Variants in STIM1 observed in about 807,000 individuals in gnomAD.
The protein encoded by STIM1 is stromal interaction molecule 1.
STIM1 carries 25 observed loss-of-function variants against 74.7 expected under a neutral mutation model. The observed-to-expected ratio is 0.33, with a 90% CI of 0.24 to 0.47. The LOEUF is 0.47. STIM1 is among the 20% of genes least tolerant of loss of function. The pLI is 1.00. For missense variants in STIM1, 728 were observed against 920.8 expected (o/e 0.79, Z 2.71); for synonymous variants, 328 against 348.8 (o/e 0.94, Z 0.66).
chr11:3,941,673 T>TATATAGAGAG (rs141623520), intron 1 of STIM1, among the ~76,000 whole-genome samples: 4,680 of 90,338 alleles, frequency 0.052, 127 homozygotes, highest in Non-Finnish European at 0.076. Context: ...TATATATATA[T>TATATAGAGAG]AGAGAGAGAG....
At chr11:4,004,819 A>G (rs1236407785) in intron 2 of STIM1, among the ~76,000 whole-genome samples, 1 of 152,228 alleles carries the variant, frequency 6.6e-6, no homozygotes. Context: ...ATGGGAGAAA[A>G]TTTTCGCAAC....
intron 3 of STIM1, among the ~76,000 whole-genome samples, chr11:4,053,781 A>G (rs1017916988): frequency 1.3e-5 from 2 of 152,148 alleles, no homozygotes; most frequent in South Asian, 2.1e-4. Flanking sequence ...TAGAAAAAAA[A>G]AAATTTTAAT....
chr11:3,928,986 T>C (rs1003066567), intron 1 of STIM1, among the ~76,000 whole-genome samples: 2 of 152,134 alleles, frequency 1.3e-5, no homozygotes, highest in Admixed American at 6.5e-5. Flanking sequence ...TTCTCCTGCC[T>C]CAGCCTCCCA....
intron 1 of STIM1, among the ~76,000 whole-genome samples, chr11:3,941,793 C>T (rs552747057): frequency 5.3e-5 from 8 of 151,546 alleles, no homozygotes; most frequent in African/African-American, 1.9e-4. Context: ...CTAAAGCAAT[C>T]CTCCCACCTC....
At chr11:4,066,212 A>T (rs1247529545) in intron 5 of STIM1, among the ~76,000 whole-genome samples, 2 of 152,102 alleles carry the variant, frequency 1.3e-5, no homozygotes, top group Non-Finnish European at 2.9e-5. Context: ...AGCCAGCCAC[A>T]TCTGTTCTCC....
intron 5 of STIM1, 115 bp downstream of exon 5, chr11:4,059,511 A>C (rs1263572633): frequency 2.5e-6 from 2 of 786,948 alleles, no homozygotes; most frequent in Middle Eastern, 2.3e-4. Flanking sequence ...GATAGCACCT[A>C]TACTATTTCC....
At chr11:3,990,347 T>C (rs1465762499) in intron 2 of STIM1, among the ~76,000 whole-genome samples, 4 of 152,242 alleles carry the variant, frequency 2.6e-5, no homozygotes, top group Non-Finnish European at 4.4e-5. Context: ...TTTCACTTTT[T>C]GGCTATAATG....
At chr11:4,055,751 G>T in intron 4 of STIM1, 114 bp downstream of exon 4, 2 of 734,028 alleles carry the variant, frequency 2.7e-6, no homozygotes, top group East Asian at 2.7e-5. Context: ...TCAGGGCAGC[G>T]TCTATAGATC....
intron 7 of STIM1, among the ~76,000 whole-genome samples, chr11:4,076,898 G>C (rs1417087085): frequency 6.6e-6 from 1 of 151,628 alleles, no homozygotes; most frequent in Non-Finnish European, 1.5e-5. Context: ...AACATATGCT[G>C]TGTGGGTGTA....
chr11:4,052,989 G>A (rs1467849982), intron 3 of STIM1, among the ~76,000 whole-genome samples: 11 of 152,148 alleles, frequency 7.2e-5, no homozygotes, highest in Admixed American at 1.3e-4. Flanking sequence ...AATGCTCATC[G>A]TCACTGGCCA....
intron 2 of STIM1, chr11:4,019,181 G>A (rs942347513): frequency 2.6e-5 from 4 of 152,388 alleles, no homozygotes; most frequent in African/African-American, 9.6e-5. Context: ...TTAGCTGTTT[G>A]TACATAAAAT....
chr11:4,031,512 A>G (rs550584758), intron 3 of STIM1, among the ~76,000 whole-genome samples: 3 of 152,212 alleles, frequency 2.0e-5, no homozygotes, highest in South Asian at 4.1e-4. Flanking sequence ...CCAGCAGTAT[A>G]TGACATTTTC....
chr11:3,875,417 T>C (rs1590515497), intron 1 of STIM1, among the ~76,000 whole-genome samples: 1 of 152,196 alleles, frequency 6.6e-6, no homozygotes, highest in Non-Finnish European at 1.5e-5. Flanking sequence ...TAAACTTCAA[T>C]GGCAAATTGG....
In STIM1 at chr11:3,919,807, G is replaced by T. The variant is rs530511776; in HGVS notation, c.140-47745G>T. ...GTAAAAATCACATAACAGTTTGGTG[G>T]TGGTACAGGCCTGTAATCCCTGCTA... On this transcript the variant is annotated intron_variant, in intron 1 of 12. Coordinates refer to ENST00000526596, the MANE Select transcript of STIM1 (RefSeq NM_001382567.1). Among the ~76,000 whole-genome samples the T allele has an allele frequency of 4.7e-4, 72 of 152,222 alleles. 2 individuals are homozygous for T. The highest frequency in any genetic ancestry group is 1.7e-3 in the African/African-American group (69 of 41,530).
At chr11:3,983,548 A>G (rs2093527703) in intron 2 of STIM1, among the ~76,000 whole-genome samples, 1 of 152,180 alleles carries the variant, frequency 6.6e-6, no homozygotes, top group Admixed American at 6.5e-5. Context: ...CCTCTTACCC[A>G]TATACCAGGG....
chr11:3,900,750 A>AT (rs1490459623), intron 1 of STIM1, among the ~76,000 whole-genome samples: 2 of 152,044 alleles, frequency 1.3e-5, no homozygotes, highest in Admixed American at 6.5e-5. Context: ...TGGCTAATAT[A>AT]TTTTTTGTAG....
Position 3,856,060 on chromosome 11 carries a change from G to A in STIM1, c.-211G>A, listed in dbSNP as rs1332473456. On this transcript the variant is annotated 5_prime_UTR_variant, in exon 1 of 13. Transcript: ENST00000526596. ...CCGCAGCCCCGGCGGACCCACTGTTGGACCTGAGGAGCCAGCCCTCCTCCC... is the reference window on the plus strand; with the variant it reads ...CCGCAGCCCCGGCGGACCCACTGTTAGACCTGAGGAGCCAGCCCTCCTCCC... The A allele has an allele frequency of 3.3e-6, 2 of 606,000 alleles. No individual in the cohort carries two copies. The highest frequency in any genetic ancestry group is 2.9e-6 in the Non-Finnish European group (1 of 341,070). The allele number at this position is 606,000 out of a possible 1,614,324, so 37.5% of individuals were successfully genotyped here.
At chr11:4,000,725 A>G (rs1258674680) in intron 2 of STIM1, among the ~76,000 whole-genome samples, 1 of 152,266 alleles carries the variant, frequency 6.6e-6, no homozygotes, top group Non-Finnish European at 1.5e-5. Flanking sequence ...AACGGAACAA[A>G]GCTGGACGGA....
chr11:3,867,890 C>T (rs1157768049), intron 1 of STIM1, among the ~76,000 whole-genome samples: 2 of 150,436 alleles, frequency 1.3e-5, no homozygotes, highest in Non-Finnish European at 3.0e-5. Context: ...GCTTTCAAAT[C>T]TCATGTGCCT....
Sources: gnomAD v4.1 joint callset for allele counts (sites outside exome capture counted in the v4.1 genomes callset) on GRCh38, gnomAD v4.1.1 for gene constraint, MANE v1.5 for transcripts, NCBI Gene and HGNC (gene_info 2026-07-23, HGNC 2026-07-21) for gene names.